The following VDAC1 variants were observed in gnomAD, a reference collection of about 807,000 sequenced individuals.
VDAC1 encodes non-selective voltage-gated ion channel VDAC1.
In VDAC1, 10 loss-of-function variants were observed where a neutral mutation model predicts 34.7. The ratio of observed to expected loss-of-function variants is 0.29; its 90% confidence interval spans 0.18 to 0.49. The LOEUF is 0.49. Among genes scored for constraint, VDAC1 ranks in the 20% least tolerant of loss-of-function variants. VDAC1 has a pLI of 0.99. For synonymous variants in VDAC1, 130 were observed against 136.0 expected, an observed-to-expected ratio of 0.96 and a Z score of 0.30; for missense variants, 230 against 347.9, an observed-to-expected ratio of 0.66 and a Z score of 2.69.
At chr5:134,067,458 T>C in the VDAC1 span, among the ~76,000 whole-genome samples, 1 of 149,318 alleles carries the variant, frequency 6.7e-6, no homozygotes, top group East Asian at 2.0e-4. Flanking sequence ...AAAAGTTATA[T>C]ATTCTGTTTT....
chr5:133,976,648 GAA>G (rs540783930), intron 6 of VDAC1, among the ~76,000 whole-genome samples: 17 of 139,008 alleles, frequency 1.2e-4, no homozygotes, highest in African/African-American at 3.4e-4. Flanking sequence ...TCTCTATAAG[GAA>G]AAAAAAAAAA....
At chr5:134,055,497 G>A in the VDAC1 span, among the ~76,000 whole-genome samples, 12 of 151,460 alleles carry the variant, frequency 7.9e-5, no homozygotes, top group Non-Finnish European at 1.5e-4. Flanking sequence ...TCGGCTCACT[G>A]CAAGCTCCGC....
At chr5:134,083,190 C>CTTT in the VDAC1 span, among the ~76,000 whole-genome samples, 1,915 of 125,482 alleles carry the variant, frequency 0.015, 60 homozygotes, top group African/African-American at 0.056. Context: ...CTTTTTTTTT[C>CTTT]TTTTTTTTTT....
At chr5:133,982,570 G>A (rs945779790) in intron 5 of VDAC1, among the ~76,000 whole-genome samples, 12 of 150,922 alleles carry the variant, frequency 8.0e-5, no homozygotes, top group African/African-American at 7.3e-5. Context: ...CATCTTTAAA[G>A]ACTAAAGAAC....
chr5:134,079,409 A>G, the VDAC1 span, among the ~76,000 whole-genome samples: 1 of 152,220 alleles, frequency 6.6e-6, no homozygotes, highest in East Asian at 1.9e-4. Context: ...AAACCATCAC[A>G]GAGAGCAGAG....
At chr5:134,092,410 G>A in the VDAC1 span, among the ~76,000 whole-genome samples, 1 of 152,172 alleles carries the variant, frequency 6.6e-6, no homozygotes, top group Non-Finnish European at 1.5e-5. Context: ...AGGGAGGTGT[G>A]TGGAAGAGCT....
chr5:134,107,809 T>C, the VDAC1 span, among the ~76,000 whole-genome samples: 1 of 152,320 alleles, frequency 6.6e-6, no homozygotes, highest in South Asian at 2.1e-4. Context: ...ACTCATCCCA[T>C]CTTCCCAGCT....
In VDAC1 at chr5:133,975,961, G is replaced by A. The variant is rs1037341301; in HGVS notation, c.612C>T (p.Thr204=). The change falls in exon 7 of 9, where the codon ACC becomes ACT. Residue 204 remains threonine (T), a synonymous_variant. Coordinates refer to ENST00000265333, the MANE Select transcript of VDAC1 (RefSeq NM_003374.3). ...IYQKVNKKLE[T]AVNLAWTAGN... is the part of the protein sequence containing the mutation. Reference sequence around the variant, plus strand: ...CTGCTGTCCAGGCAAGATTGACAGCGGTCTCCAACTTCTTGTTCACTTTCT... The same window carrying A: ...CTGCTGTCCAGGCAAGATTGACAGCAGTCTCCAACTTCTTGTTCACTTTCT... 16 of 1,613,504 alleles carry A rather than the reference G, an allele frequency of 9.9e-6. No individual in the cohort carries two copies. Among genetic ancestry groups the A allele is most frequent in the East Asian group, 6.7e-5 (3 of 44,834 alleles).
chr5:133,973,985 T>G, intron 7 of VDAC1, 137 bp from the exon 8 acceptor site: 1 of 687,610 alleles, frequency 1.5e-6, no homozygotes, highest in South Asian at 2.0e-5. Flanking sequence ...GTTCATGAGA[T>G]TCATTAAATT....
At chr5:134,047,715 G>A in the VDAC1 span, among the ~76,000 whole-genome samples, 1 of 152,186 alleles carries the variant, frequency 6.6e-6, no homozygotes, top group Non-Finnish European at 1.5e-5. Flanking sequence ...TTGATTCAGT[G>A]TACCTGTTTG....
At chr5:133,985,617 G>A (rs1375478987) in intron 5 of VDAC1, among the ~76,000 whole-genome samples, 2 of 152,316 alleles carry the variant, frequency 1.3e-5, no homozygotes, top group Admixed American at 6.5e-5. Flanking sequence ...TCACATCACT[G>A]CACTCCAGCC....
At chr5:134,080,056 C>G in the VDAC1 span, among the ~76,000 whole-genome samples, 67,134 of 152,144 alleles carry the variant, frequency 0.44, 15,636 homozygotes, top group Non-Finnish European at 0.52. Flanking sequence ...ACGTGAGGCC[C>G]GGCCAGTGGG....
chr5:133,993,875 T>C (rs1344584434), intron 1 of VDAC1, among the ~76,000 whole-genome samples: 2 of 152,196 alleles, frequency 1.3e-5, no homozygotes, highest in East Asian at 3.9e-4. Flanking sequence ...TTTGGCATGC[T>C]GTATATGCTG....
Position 133,972,302 on chromosome 5 carries a change from T to G in VDAC1, c.*469A>C, listed in dbSNP as rs879391621. On this transcript the variant is annotated 3_prime_UTR_variant, in exon 9 of 9. Coordinates refer to ENST00000265333, the MANE Select transcript of VDAC1 (RefSeq NM_003374.3). ...AGACCTTTTGGTGTAAAAGAGATGATGATGAACTGGGGTGGGAACAGGTCA... is the reference window on the plus strand; with the variant it reads ...AGACCTTTTGGTGTAAAAGAGATGAGGATGAACTGGGGTGGGAACAGGTCA... 1 of 276,318 alleles carries G rather than the reference T, an allele frequency of 3.6e-6. No homozygotes were observed. The allele number at this position is 276,318 out of a possible 1,614,324, so 17.1% of individuals were successfully genotyped here.
chr5:134,008,854 C>T (rs1182358922), upstream of VDAC1, among the ~76,000 whole-genome samples: 1 of 152,128 alleles, frequency 6.6e-6, no homozygotes. Context: ...CCTAACTTTC[C>T]AATCATTTTC....
the VDAC1 span, among the ~76,000 whole-genome samples, chr5:134,049,779 C>T: frequency 1.3e-5 from 2 of 151,994 alleles, no homozygotes; most frequent in East Asian, 3.9e-4. Flanking sequence ...GGGGGTTTAG[C>T]CATGTTGGCC....
chr5:134,067,690 G>C, the VDAC1 span, among the ~76,000 whole-genome samples: 3 of 148,962 alleles, frequency 2.0e-5, no homozygotes, highest in Admixed American at 2.0e-4. Context: ...GAGAGGGGGA[G>C]GGAGAGGGAG....
chr5:134,098,707 G>A, the VDAC1 span, among the ~76,000 whole-genome samples: 1 of 152,220 alleles, frequency 6.6e-6, no homozygotes, highest in Non-Finnish European at 1.5e-5. Context: ...TTTCCTTGGG[G>A]CTGTCTGCAG....
At chr5:134,003,409 G>C (rs942275919) in intron 1 of VDAC1, among the ~76,000 whole-genome samples, 3 of 152,168 alleles carry the variant, frequency 2.0e-5, no homozygotes, top group Non-Finnish European at 4.4e-5. Flanking sequence ...CGGGCGGAAC[G>C]GGCTCTAAAC....
Sources: gnomAD v4.1 joint callset for allele counts (sites outside exome capture counted in the v4.1 genomes callset) on GRCh38, gnomAD v4.1.1 for gene constraint, MANE v1.5 for transcripts, NCBI Gene and HGNC (gene_info 2026-07-23, HGNC 2026-07-21) for gene names.